The following SORCS2 variants were observed in gnomAD, a reference collection of about 807,000 sequenced individuals.
SORCS2 encodes the protein VPS10 domain-containing receptor SorCS2.
In SORCS2, 100 loss-of-function variants were observed where a neutral mutation model predicts 141.6. The ratio of observed to expected loss-of-function variants is 0.71; its 90% CI spans 0.60 to 0.83. The LOEUF (loss-of-function observed/expected upper bound fraction) is 0.83. Ranked by LOEUF, SORCS2 falls within the 40% of genes least tolerant of loss-of-function variation. The probability of loss-of-function intolerance (pLI) is 0.00; values close to 1 mark genes in which losing one functional copy is unlikely to be tolerated. For synonymous variants in SORCS2, 789 were observed against 676.9 expected (o/e 1.17, Z -2.57); for missense variants, 1,646 against 1,560.2 (o/e 1.05, Z -0.93).
intron 2 of SORCS2, among the ~76,000 whole-genome samples, chr4:7,402,468 T>G (rs1694603210): frequency 6.6e-6 from 1 of 152,250 alleles, no homozygotes; most frequent in Admixed American, 6.5e-5. Context: ...CCTTTTGAAG[T>G]TTGCTTTATG....
chr4:7,277,039 C>T (rs1715546398), intron 1 of SORCS2, among the ~76,000 whole-genome samples: 2 of 151,822 alleles, frequency 1.3e-5, no homozygotes, highest in South Asian at 2.1e-4. Flanking sequence ...GCTATGTTAA[C>T]TGTCCAGCCC....
At chr4:7,526,630 A>G (rs1171110426) in intron 2 of SORCS2, among the ~76,000 whole-genome samples, 1 of 152,184 alleles carries the variant, frequency 6.6e-6, no homozygotes, top group Admixed American at 6.5e-5. Flanking sequence ...CATAGAGTTC[A>G]GGAGCCCCCC....
intron 1 of SORCS2, among the ~76,000 whole-genome samples, chr4:7,307,258 C>A (rs2108912215): frequency 6.6e-6 from 1 of 152,354 alleles, no homozygotes; most frequent in African/African-American, 2.4e-5. Context: ...GTTCACGGGT[C>A]CTGGGAGGGG....
intron 2 of SORCS2, among the ~76,000 whole-genome samples, chr4:7,492,161 C>T (rs1731356307): frequency 6.6e-6 from 1 of 152,260 alleles, no homozygotes; most frequent in Non-Finnish European, 1.5e-5. Flanking sequence ...GCCTGGCCCT[C>T]TCTCCAGAGC....
At chr4:7,314,241 C>T (rs774982278) in intron 1 of SORCS2, among the ~76,000 whole-genome samples, 7 of 152,126 alleles carry the variant, frequency 4.6e-5, no homozygotes, top group African/African-American at 1.2e-4. Flanking sequence ...CAGTGGCACA[C>T]GGAGAACGAG....
chr4:7,467,998 G>A (rs1403736655), intron 2 of SORCS2, among the ~76,000 whole-genome samples: 1 of 152,218 alleles, frequency 6.6e-6, no homozygotes, highest in Non-Finnish European at 1.5e-5. Context: ...AGCAAGATCT[G>A]TACCTTTCTG....
chr4:7,538,097 C>T (rs1473878150), intron 3 of SORCS2, among the ~76,000 whole-genome samples: 5 of 152,178 alleles, frequency 3.3e-5, no homozygotes, highest in African/African-American at 1.2e-4. Flanking sequence ...TGAGTGTGTG[C>T]CTTGCCAGGT....
intron 1 of SORCS2, among the ~76,000 whole-genome samples, chr4:7,195,345 C>T (rs901806235): frequency 6.6e-6 from 1 of 152,182 alleles, no homozygotes; most frequent in African/African-American, 2.4e-5. Flanking sequence ...GCACACCGGG[C>T]ATAGCCTGAC....
rs188345947 is a variant in SORCS2 at position 7,606,591 on chromosome 4, G to A, written c.649-31737G>A. Reference sequence around the variant, plus strand: ...TGAACCTCCTCAGGAACAGGGAGGTGCGTCCTGTGCCTTGAGGGCCGCCTC... The same window carrying A: ...TGAACCTCCTCAGGAACAGGGAGGTACGTCCTGTGCCTTGAGGGCCGCCTC... On this transcript the variant is annotated intron_variant, in intron 3 of 26. Transcript: ENST00000507866. Among the ~76,000 whole-genome samples the A allele has an allele frequency of 1.8e-3, 274 of 152,202 alleles. 1 individual carries two copies. The highest frequency in any genetic ancestry group is 6.0e-3 in the African/African-American group (250 of 41,550).
chr4:7,500,139 G>C (rs569623479), intron 2 of SORCS2, among the ~76,000 whole-genome samples: 1 of 152,164 alleles, frequency 6.6e-6, no homozygotes, highest in South Asian at 2.1e-4. Flanking sequence ...CCATCACCCG[G>C]AGCACACCCC....
rs552023357 is a variant in SORCS2, at chr4:7,193,600, G to A, written c.480+474G>A. 5.9e-4 allele frequency among the ~76,000 whole-genome samples: 90 copies of A among 152,232 alleles called. No individual in the cohort carries two copies. The highest frequency in any genetic ancestry group is 2.0e-3 in the African/African-American group (84 of 41,550). Reference sequence around the variant, plus strand: ...GCGGTGGCGCCTCCGCAGGCTCCGGGACTTCCCCGGTCAGCTCGAATCCTG... The same window carrying A: ...GCGGTGGCGCCTCCGCAGGCTCCGGAACTTCCCCGGTCAGCTCGAATCCTG... On this transcript the variant is annotated intron_variant, in intron 1 of 26. Transcript: ENST00000507866. This position sits in a 1 kb window ranked among gnomAD's most constrained non-coding sequence, Gnocchi z 4.8.
intron 2 of SORCS2, chr4:7,433,436 A>T: frequency 6.5e-7 from 1 of 1,531,274 alleles, no homozygotes; most frequent in Non-Finnish European, 8.8e-7. Context: ...CCCAGGGCAC[A>T]CTGGTCGGTG....
chr4:7,639,793 A>G (rs62650544), intron 4 of SORCS2, among the ~76,000 whole-genome samples: 2,454 of 145,116 alleles, frequency 0.017, 41 homozygotes, highest in African/African-American at 0.035. Context: ...GTGGGTATGT[A>G]TGGGTGAGGT....
intron 2 of SORCS2, among the ~76,000 whole-genome samples, chr4:7,516,311 C>T (rs904105028): frequency 6.6e-6 from 1 of 152,142 alleles, no homozygotes; most frequent in African/African-American, 2.4e-5. Context: ...CGGCAGGCCT[C>T]TTGCTCTTGT....
Position 7,208,974 on chromosome 4 carries a change from G to T in SORCS2, c.480+15848G>T, listed in dbSNP as rs552826304. On this transcript the variant is annotated intron_variant, in intron 1 of 26. Coordinates refer to ENST00000507866, the MANE Select transcript of SORCS2 (RefSeq NM_020777.3). ...CAGACAGCCTGGCCTGCCTCAGGGGGCCCCTGCCTGCGTCCCTCACCCCGG... is the reference window on the plus strand; with the variant it reads ...CAGACAGCCTGGCCTGCCTCAGGGGTCCCCTGCCTGCGTCCCTCACCCCGG... Among the ~76,000 whole-genome samples, 9 of 152,316 alleles carry T rather than the reference G, an allele frequency of 5.9e-5. No homozygotes were observed. In the East Asian group the frequency reaches 1.7e-3, roughly 30 times the overall value.
At chr4:7,454,850 GTGCTGTGTTGGGGT>G in intron 2 of SORCS2, among the ~76,000 whole-genome samples, 2 of 135,952 alleles carry the variant, frequency 1.5e-5, no homozygotes, top group South Asian at 2.7e-4. Context: ...TTGGGGTCAG[GTGCTGTGTTGGGGT>G]CAGGTGCTGT....
At chr4:7,427,126 G>A (rs745925727) in intron 2 of SORCS2, among the ~76,000 whole-genome samples, 4 of 152,138 alleles carry the variant, frequency 2.6e-5, no homozygotes, top group African/African-American at 9.7e-5. Flanking sequence ...GTGCTGGGGA[G>A]AATCCTGGCG....
intron 2 of SORCS2, among the ~76,000 whole-genome samples, chr4:7,427,432 T>C (rs993447797): frequency 6.6e-6 from 1 of 152,140 alleles, no homozygotes; most frequent in Non-Finnish European, 1.5e-5. Context: ...CTCCTGAGCT[T>C]CAGCAGTGGG....
chr4:7,250,603 G>A (rs1713435771), intron 1 of SORCS2, among the ~76,000 whole-genome samples: 1 of 152,264 alleles, frequency 6.6e-6, no homozygotes, highest in African/African-American at 2.4e-5. Context: ...CCCCGGCTGA[G>A]AGGCAGATGT....
Sources: gnomAD v4.1 joint callset for allele counts (sites outside exome capture counted in the v4.1 genomes callset) on GRCh38, gnomAD v4.1.1 for gene constraint, Gnocchi (gnomAD v3.1) non-coding constraint, MANE v1.5 for transcripts, NCBI Gene and HGNC (gene_info 2026-07-23, HGNC 2026-07-21) for gene names.